The following REST variants were observed in gnomAD, a reference collection of about 807,000 sequenced individuals.
REST encodes the protein RE1-silencing transcription factor.
A neutral mutation model predicts 30.4 loss-of-function variants in REST; 1 was observed. That is an observed-to-expected ratio of 0.03 (90% CI 0.01 to 0.16). REST has a LOEUF of 0.16. Ranked by LOEUF, REST falls within the 10% of genes least tolerant of loss-of-function variation. The pLI is 1.00. For missense variants in REST, 1,259 were observed against 1,329.5 expected, an observed-to-expected ratio of 0.95 and a Z score of 0.82; for synonymous variants, 504 against 451.1, an observed-to-expected ratio of 1.12 and a Z score of -1.49.
chr4:56,920,903 T>A (rs1299255163), intron 3 of REST, among the ~76,000 whole-genome samples: 2 of 152,192 alleles, frequency 1.3e-5, no homozygotes, highest in African/African-American at 4.8e-5. Flanking sequence ...TCTTGCTCTG[T>A]CGTCTAGGCT....
rs1720960244 is a variant in REST, at chr4:56,931,291, C to T, written c.2433C>T (p.Ser811=). 6.2e-7 allele frequency: 1 copy of T among 1,614,096 alleles called. No individual in the cohort carries two copies. Among genetic ancestry groups the T allele is most frequent in the South Asian group, 1.1e-5 (1 of 91,092 alleles). Residue 811 remains serine, a synonymous_variant, in exon 4 of 4, where the codon TCC becomes TCT. Transcript: ENST00000309042. ...REPPLHMEPI[S]KKPPLRKDKK... Reference sequence around the variant, plus strand: ...CTCCCCTTCACATGGAGCCAATTTCCAAAAAGCCTCCTCTCCGAAAAGATA... The same window carrying T: ...CTCCCCTTCACATGGAGCCAATTTCTAAAAAGCCTCCTCTCCGAAAAGATA...
At position 56,923,825 on chromosome 4, in the gene REST, G is replaced by A. The variant is rs575386234; in HGVS notation, c.982+3955G>A. Among the ~76,000 whole-genome samples, 17 of 151,958 alleles carry A rather than the reference G, an allele frequency of 1.1e-4. No individual in the cohort carries two copies. In the East Asian group the frequency reaches 1.7e-3, roughly 16 times the overall value. On this transcript the variant is annotated intron_variant, in intron 3 of 3. Coordinates refer to ENST00000309042, the MANE Select transcript of REST (RefSeq NM_005612.5). ...CAACCTCCACCTCCTAGGTTCAAGC[G>A]ATTCTCCTGCCTCAGCCTCCCTAGT...
At chr4:56,923,006 G>C (rs1328582427) in intron 3 of REST, among the ~76,000 whole-genome samples, 1 of 152,192 alleles carries the variant, frequency 6.6e-6, no homozygotes, top group Non-Finnish European at 1.5e-5. Context: ...TTTTACACCA[G>C]TTGATAATCT....
In REST at chr4:56,908,146, CAAAG is replaced by C. The variant is rs1422812161; in HGVS notation, c.-73_-70del. ...CACCTCTCCCCCGAAACTCCAGCAA[CAAAG>C]AAAAGTAGTCGGAGAAGGAGCGGCG... On this transcript the variant is annotated 5_prime_UTR_variant, in exon 1 of 4. Transcript: ENST00000309042. 7 of 246,390 alleles carry C rather than the reference CAAAG, an allele frequency of 2.8e-5. No homozygotes were observed. Among genetic ancestry groups the C allele is most frequent in the Non-Finnish European group, 4.7e-5 (6 of 128,054 alleles). 15.3% of individuals were successfully genotyped at this position (246,390 alleles called of 1,614,324 possible). A position where few individuals can be genotyped will look rare whatever the true frequency, so the allele number is the denominator to read the frequency against.
chr4:56,914,689 G>A (rs1263169465), intron 2 of REST, among the ~76,000 whole-genome samples: 2 of 152,078 alleles, frequency 1.3e-5, no homozygotes, highest in Non-Finnish European at 2.9e-5. Context: ...ATTTAGCTGG[G>A]ATTACAGGTG....
chr4:56,924,631 T>C (rs1465218346), intron 3 of REST, among the ~76,000 whole-genome samples: 6 of 148,184 alleles, frequency 4.0e-5, no homozygotes, highest in Non-Finnish European at 9.0e-5. Flanking sequence ...TTTTTTTTTT[T>C]CTTTCTTTTT....
chr4:56,920,907 C>T lies in REST; in HGVS notation c.982+1037C>T, dbSNP rs573338692. Reference sequence around the variant, plus strand: ...TGGAGACGGAGTCTTGCTCTGTCGTCTAGGCTGGAGTGCAGTAGTGCGATC... The same window carrying T: ...TGGAGACGGAGTCTTGCTCTGTCGTTTAGGCTGGAGTGCAGTAGTGCGATC... On this transcript the variant is annotated intron_variant, in intron 3 of 3. Coordinates refer to ENST00000309042, the MANE Select transcript of REST (RefSeq NM_005612.5). Among the ~76,000 whole-genome samples the T allele has an allele frequency of 3.3e-4, 50 of 152,278 alleles. No individual in the cohort carries two copies. The South Asian group carries it at 0.01, about 31-fold the overall frequency.
chr4:56,926,145 C>T (rs577529983), intron 3 of REST, among the ~76,000 whole-genome samples: 9 of 151,774 alleles, frequency 5.9e-5, no homozygotes, highest in African/African-American at 1.4e-4. Flanking sequence ...CTGTAACCTC[C>T]GCCTCCTGGG....
chr4:56,909,037 G>C (rs1719767005), intron 1 of REST: 1 of 152,276 alleles, frequency 6.6e-6, no homozygotes, highest in African/African-American at 2.4e-5. Context: ...CGCCGGCTGC[G>C]CGGTAACTTT....
chr4:56,911,654 A>T lies in REST; in HGVS notation c.898+118A>T, dbSNP rs116765139. The T allele has an allele frequency of 5.9e-3, 4,892 of 827,144 alleles. 176 individuals carry two copies. In the African/African-American group the frequency reaches 0.075, roughly 13 times the overall value. The allele number at this position is 827,144 out of a possible 1,614,324, so 51.2% of individuals were successfully genotyped here. On this transcript the variant is annotated intron_variant, in intron 2 of 3. Transcript: ENST00000309042. ...GTTCAAATCCAGGTTCCATTTTGCTATCTTTGTGACCTTGCACAAGTTGTT... is the reference window on the plus strand; with the variant it reads ...GTTCAAATCCAGGTTCCATTTTGCTTTCTTTGTGACCTTGCACAAGTTGTT...
At chr4:56,925,901 A>T (rs28544519) in intron 3 of REST, among the ~76,000 whole-genome samples, 24,852 of 152,166 alleles carry the variant, frequency 0.16, 2,482 homozygotes, top group African/African-American at 0.28. Context: ...TGATGGATGC[A>T]TGCTTGCTCT....
Position 56,907,943 on chromosome 4 carries a change from A to C in REST, c.-280A>C. 2 of 303,808 alleles carry C rather than the reference A, an allele frequency of 6.6e-6. No individual in the cohort carries two copies. Among genetic ancestry groups the C allele is most frequent in the East Asian group, 5.0e-5 (1 of 20,064 alleles). 18.8% of individuals were successfully genotyped at this position (303,808 alleles called of 1,614,324 possible). On this transcript the variant is annotated 5_prime_UTR_variant, in exon 1 of 4. Coordinates refer to ENST00000309042, the MANE Select transcript of REST (RefSeq NM_005612.5). ...TGTGTTGGAATGTGCGGCTGCCGCG[A>C]GCTCGCGGCGCAGCAGCGGAGCGAG...
chr4:56,919,693 G>A, intron 2 of REST, 94 bp from the exon 3 acceptor site: 1 of 627,188 alleles, frequency 1.6e-6, no homozygotes, highest in Non-Finnish European at 2.7e-6. Context: ...TTGTTAAAAT[G>A]TGCTGAGCGC....
chr4:56,935,467 A>C lies in REST; in HGVS notation c.*3315A>C, dbSNP rs1489500546. ...CTTTTACAGTTTCACATGTGTACAT[A>C]GGTTCCCTCCCGGTCCCTTCCATAT... On this transcript the variant is annotated 3_prime_UTR_variant, in exon 4 of 4. Coordinates refer to ENST00000309042, the MANE Select transcript of REST (RefSeq NM_005612.5). 6.6e-6 allele frequency: 1 copy of C among 152,246 alleles called. No homozygotes were observed. Among genetic ancestry groups the C allele is most frequent in the East Asian group, 1.9e-4 (1 of 5,196 alleles). The allele number at this position is 152,246 out of a possible 1,614,324, so 9.4% of individuals were successfully genotyped here.
At chr4:56,914,905 ATTTTT>A (rs11321935) in intron 2 of REST, among the ~76,000 whole-genome samples, 1 of 118,596 alleles carries the variant, frequency 8.4e-6, no homozygotes. Flanking sequence ...CTTCATTCTG[ATTTTT>A]TTTTTTTTTA....
rs764164995 is a variant in REST at position 56,914,753 on chromosome 4, C to T, written c.898+3217C>T. On this transcript the variant is annotated intron_variant, in intron 2 of 3. Transcript: ENST00000309042. ...ATTTTCAGTAGAGATGTGGTTTCACCGTGTTGGCCAGGCTAGTCTTGAACT... is the reference window on the plus strand; with the variant it reads ...ATTTTCAGTAGAGATGTGGTTTCACTGTGTTGGCCAGGCTAGTCTTGAACT... Among the ~76,000 whole-genome samples, 73 of 152,054 alleles carry T rather than the reference C, an allele frequency of 4.8e-4. 1 individual carries two copies. The highest frequency in any genetic ancestry group is 2.1e-3 in the Admixed American group (32 of 15,258).
intron 3 of REST, among the ~76,000 whole-genome samples, chr4:56,925,719 A>G (rs1178585534): frequency 6.6e-6 from 1 of 152,230 alleles, no homozygotes; most frequent in Non-Finnish European, 1.5e-5. Context: ...GGTAGGTACT[A>G]ATTAGAAAAT....
At position 56,930,899 on chromosome 4, in the gene REST, G is replaced by A; in HGVS notation, c.2041G>A (p.Val681Ile). The A allele has an allele frequency of 6.2e-7, 1 of 1,613,336 alleles. No homozygotes were observed. The highest frequency in any genetic ancestry group is 1.1e-5 in the South Asian group (1 of 91,056). ...EPAQMVGAQI[V>I]LAHMELPPPM... ...TGCTCAGATGGTGGGTGCCCAAATTGTACTTGCTCACATGGAGCTGCCTCC... is the reference window on the plus strand; with the variant it reads ...TGCTCAGATGGTGGGTGCCCAAATTATACTTGCTCACATGGAGCTGCCTCC... The change falls in exon 4 of 4, where the codon GTA becomes ATA. Residue 681 changes from valine (V) to isoleucine (I), a missense_variant. Val to Ile is a conservative substitution (Grantham distance 29). Transcript: ENST00000309042.
intron 3 of REST, chr4:56,927,619 G>A: frequency 8.4e-7 from 1 of 1,188,734 alleles, no homozygotes; most frequent in Non-Finnish European, 1.1e-6. Context: ...GACCAGTGGG[G>A]TATGGATACC....
Sources: gnomAD v4.1 joint callset for allele counts (sites outside exome capture counted in the v4.1 genomes callset) on GRCh38, gnomAD v4.1.1 for gene constraint, MANE v1.5 for transcripts, NCBI Gene and HGNC (gene_info 2026-07-23, HGNC 2026-07-21) for gene names.